The following SGK3 variants were observed in gnomAD, a reference collection of about 807,000 sequenced individuals.
SGK3 encodes the protein serum/glucocorticoid regulated kinase family member 3.
Under a neutral mutation model 68.5 loss-of-function variants are expected in SGK3, and 47 were observed. That is an observed-to-expected ratio of 0.69 (90% confidence interval 0.54 to 0.87). SGK3 has a LOEUF of 0.87. SGK3 is among the 40% of genes least tolerant of loss of function. SGK3 has a pLI of 0.00. For synonymous variants in SGK3, 181 were observed against 189.1 expected, an observed-to-expected ratio of 0.96 and a Z score of 0.35; for missense variants, 479 against 575.5, an observed-to-expected ratio of 0.83 and a Z score of 1.72.
chr8:66,801,670 T>A (rs1052077214), intron 3 of SGK3, among the ~76,000 whole-genome samples: 10 of 150,388 alleles, frequency 6.6e-5, no homozygotes, highest in Admixed American at 2.0e-4. Context: ...TCTCTCTCTC[T>A]CACACACACA....
Position 66,840,029 on chromosome 8 carries a change from G to A in SGK3, c.768G>A (p.Arg256=), listed in dbSNP as rs779664394. The change falls in exon 11 of 17, where the codon CGG becomes CGA. Residue 256 remains arginine, a synonymous_variant. Transcript: ENST00000521198. ...GELFFHLQRE[R]SFPEHRARFY... is the part of the protein sequence containing the mutation. ...TTTTTTTCCACTTACAAAGAGAACG[G>A]TCCTTTCCTGAGCACAGAGCTAGGT... The A allele has an allele frequency of 1.2e-6, 2 of 1,613,452 alleles. No individual in the cohort carries two copies. The highest frequency in any genetic ancestry group is 1.7e-4 in the Middle Eastern group (1 of 6,060).
At chr8:66,715,202 T>C (rs184972040) in intron 1 of SGK3, among the ~76,000 whole-genome samples, 5 of 152,202 alleles carry the variant, frequency 3.3e-5, no homozygotes, top group Non-Finnish European at 5.9e-5. Context: ...GTTTTGAGAG[T>C]TTAGAACGGA....
chr8:66,798,458 T>A, intron 2 of SGK3, 84 bp from the exon 3 acceptor site: 1 of 1,285,758 alleles, frequency 7.8e-7, no homozygotes, highest in Non-Finnish European at 1.1e-6. Context: ...AAAAAAAAAT[T>A]AAAACAGGTT....
intron 1 of SGK3, among the ~76,000 whole-genome samples, chr8:66,731,397 T>A (rs1805147358): frequency 6.6e-6 from 1 of 152,234 alleles, no homozygotes; most frequent in South Asian, 2.1e-4. Context: ...CATATTAGAA[T>A]AAATATGAAA....
chr8:66,856,926 C>G (rs1810535571), intron 16 of SGK3, among the ~76,000 whole-genome samples: 1 of 152,088 alleles, frequency 6.6e-6, no homozygotes, highest in Non-Finnish European at 1.5e-5. Context: ...AACCCTGTCT[C>G]TACTAGAAAT....
At chr8:66,847,092 A>AT (rs1810061994) in intron 14 of SGK3, 101 bp from the exon 15 acceptor site, 3 of 1,509,366 alleles carry the variant, frequency 2.0e-6, no homozygotes, top group Non-Finnish European at 2.6e-6. Context: ...AGGTCCATAC[A>AT]TTTTTTCAAC....
chr8:66,760,856 A>C (rs1272407605), intron 1 of SGK3, among the ~76,000 whole-genome samples: 1 of 152,122 alleles, frequency 6.6e-6, no homozygotes, highest in East Asian at 1.9e-4. Context: ...AGGACATTAT[A>C]AAGAAATGTA....
intron 1 of SGK3, among the ~76,000 whole-genome samples, chr8:66,727,339 C>T (rs1805014170): frequency 6.6e-6 from 1 of 152,112 alleles, no homozygotes; most frequent in African/African-American, 2.4e-5. Flanking sequence ...CCAAGTGATC[C>T]ACCCACCTTG....
chr8:66,778,574 C>T (rs1018045890), intron 1 of SGK3, among the ~76,000 whole-genome samples: 29 of 152,214 alleles, frequency 1.9e-4, no homozygotes, highest in African/African-American at 6.0e-4. Flanking sequence ...GGATTACAGG[C>T]GTGAGCCACC....
intron 1 of SGK3, among the ~76,000 whole-genome samples, chr8:66,744,460 T>C (rs1376392057): frequency 7.2e-6 from 1 of 139,566 alleles, no homozygotes; most frequent in Non-Finnish European, 1.5e-5. Flanking sequence ...TTATCAAATA[T>C]ATATGCATAT....
At chr8:66,754,515 G>A (rs982827445) in intron 1 of SGK3, among the ~76,000 whole-genome samples, 10 of 151,858 alleles carry the variant, frequency 6.6e-5, no homozygotes, top group African/African-American at 9.7e-5. Context: ...TTTGGATTTC[G>A]GGTATTTACA....
At chr8:66,717,493 G>A (rs1475244542) in intron 1 of SGK3, among the ~76,000 whole-genome samples, 5 of 151,994 alleles carry the variant, frequency 3.3e-5, no homozygotes, top group African/African-American at 1.2e-4. Flanking sequence ...GCACCACTGT[G>A]CTCCAGACTG....
chr8:66,729,559 G>A lies in SGK3; in HGVS notation c.-122+16726G>A, dbSNP rs77803557. ...ATGTTTGGGTTGTTTTCACCTTTTG[G>A]CTATTACATATAATACTGCTATGAA... On this transcript the variant is annotated intron_variant, in intron 1 of 16. Transcript: ENST00000521198. Among the ~76,000 whole-genome samples, 62 of 151,840 alleles carry A rather than the reference G, an allele frequency of 4.1e-4. No individual in the cohort carries two copies. The East Asian group carries it at 0.011, about 26-fold the overall frequency.
intron 1 of SGK3, among the ~76,000 whole-genome samples, chr8:66,781,873 A>T (rs1244489718): frequency 6.6e-6 from 1 of 152,206 alleles, no homozygotes; most frequent in Non-Finnish European, 1.5e-5. Context: ...TGGAGTGGGA[A>T]TTAGAGGAAG....
rs1554595335 is a variant in SGK3, at chr8:66,757,942, T to TAC, written c.-121-35672_-121-35671dup. On this transcript the variant is annotated intron_variant, in intron 1 of 16. Coordinates refer to ENST00000521198, the MANE Select transcript of SGK3 (RefSeq NM_001033578.3). ...AAAAAAAAGTGTATATATATATATA[T>TAC]ACATATATATATATACACACACTAT... Among the ~76,000 whole-genome samples, 21 of 141,958 alleles carry TAC rather than the reference T, an allele frequency of 1.5e-4. 1 individual carries two copies. In the South Asian group the frequency reaches 1.5e-3, roughly 10 times the overall value. 93.1% of individuals were successfully genotyped at this position (141,958 alleles called of 152,430 possible).
intron 1 of SGK3, among the ~76,000 whole-genome samples, chr8:66,768,378 T>C (rs1322474147): frequency 6.6e-6 from 1 of 152,126 alleles, no homozygotes; most frequent in African/African-American, 2.4e-5. Flanking sequence ...CTTCCTTGAA[T>C]GTTTCTTGTT....
chr8:66,861,117 C>A lies in SGK3; in HGVS notation c.*1536C>A, dbSNP rs1810731806. ...TTCAGCCTGGGTGCCACAGCGAGACCCTAGTTAAGAGAAAAAAAAAGTAAA... is the reference window on the plus strand; with the variant it reads ...TTCAGCCTGGGTGCCACAGCGAGACACTAGTTAAGAGAAAAAAAAAGTAAA... On this transcript the variant is annotated 3_prime_UTR_variant, in exon 17 of 17. Coordinates refer to ENST00000521198, the MANE Select transcript of SGK3 (RefSeq NM_001033578.3). The A allele has an allele frequency of 6.6e-6, 1 of 151,520 alleles. No individual in the cohort carries two copies. The highest frequency in any genetic ancestry group is 6.6e-5 in the Admixed American group (1 of 15,188). The allele number at this position is 151,520 out of a possible 1,614,324, so 9.4% of individuals were successfully genotyped here.
At position 66,719,177 on chromosome 8, in the gene SGK3, A is replaced by G. The variant is rs148531107; in HGVS notation, c.-122+6344A>G. Among the ~76,000 whole-genome samples the G allele has an allele frequency of 9.4e-4, 143 of 152,326 alleles. 2 individuals carry two copies. The East Asian group carries it at 0.014, about 15-fold the overall frequency. Reference sequence around the variant, plus strand: ...CACTCTAATTTTATCTACAGAGATTACTGCTACTGCTGCTGTTTTTATACC... The same window carrying G: ...CACTCTAATTTTATCTACAGAGATTGCTGCTACTGCTGCTGTTTTTATACC... On this transcript the variant is annotated intron_variant, in intron 1 of 16. Transcript: ENST00000521198.
At chr8:66,798,084 T>C (rs1807775039) in intron 2 of SGK3, among the ~76,000 whole-genome samples, 1 of 152,032 alleles carries the variant, frequency 6.6e-6, no homozygotes, top group Non-Finnish European at 1.5e-5. Context: ...CTCAGCTCAC[T>C]ACAGCGTCGA....
Sources: gnomAD v4.1 joint callset for allele counts (sites outside exome capture counted in the v4.1 genomes callset) on GRCh38, gnomAD v4.1.1 for gene constraint, MANE v1.5 for transcripts, NCBI Gene and HGNC (gene_info 2026-07-23, HGNC 2026-07-21) for gene names.